The following SNX29 variants were observed in gnomAD, a reference collection of about 807,000 sequenced individuals.
The protein encoded by SNX29 is sorting nexin 29.
Under a neutral mutation model 102.1 loss-of-function variants are expected in SNX29, and 78 were observed. The observed-to-expected ratio is 0.76, with a 90% CI of 0.64 to 0.92. The LOEUF (loss-of-function observed/expected upper bound fraction) is 0.92. Ranked by LOEUF, SNX29 falls within the 40% of genes least tolerant of loss-of-function variation. The pLI, the probability that SNX29 is intolerant of heterozygous loss-of-function variation, is 0.00. For missense variants in SNX29, 1,280 were observed against 1,061.7 expected (o/e 1.21, Z -2.86); for synonymous variants, 580 against 414.5 (o/e 1.40, Z -4.85).
At chr16:12,020,751 G>C (rs2056995080) in intron 3 of SNX29, among the ~76,000 whole-genome samples, 1 of 151,822 alleles carries the variant, frequency 6.6e-6, no homozygotes, top group Non-Finnish European at 1.5e-5. Context: ...AGCCACCTGA[G>C]TAGCTGGGAT....
At chr16:12,453,529 C>G (rs1056056098) in intron 18 of SNX29, among the ~76,000 whole-genome samples, 5 of 152,030 alleles carry the variant, frequency 3.3e-5, no homozygotes, top group East Asian at 3.9e-4. Flanking sequence ...TGGAGTCCAG[C>G]TGGAGTAAGG....
chr16:12,544,316 C>G (rs921293269), intron 20 of SNX29, among the ~76,000 whole-genome samples: 2 of 152,080 alleles, frequency 1.3e-5, no homozygotes, highest in Non-Finnish European at 2.9e-5. Flanking sequence ...AAGGTGGACC[C>G]CAAAGTCATG....
chr16:12,246,104 C>T (rs1045519638), intron 14 of SNX29, among the ~76,000 whole-genome samples: 1 of 152,166 alleles, frequency 6.6e-6, no homozygotes, highest in Non-Finnish European at 1.5e-5. Context: ...CCACATAAAG[C>T]ACAGGTGATG....
intron 13 of SNX29, among the ~76,000 whole-genome samples, chr16:12,186,212 C>T (rs1305503728): frequency 1.3e-5 from 2 of 152,076 alleles, no homozygotes; most frequent in African/African-American, 2.4e-5. Flanking sequence ...TTTTCAGTTT[C>T]TAAAGGAACT....
At chr16:12,215,799 G>A (rs117060635) in intron 14 of SNX29, among the ~76,000 whole-genome samples, 300 of 152,242 alleles carry the variant, frequency 2.0e-3, no homozygotes, top group Admixed American at 3.3e-3. Context: ...AAAACACCCC[G>A]TTTCCTGCCT....
At chr16:12,153,502 C>T (rs1336707812) in intron 13 of SNX29, among the ~76,000 whole-genome samples, 2 of 151,742 alleles carry the variant, frequency 1.3e-5, no homozygotes, top group Non-Finnish European at 2.9e-5. Context: ...AACCAAACCT[C>T]TGGCTCTGTT....
At chr16:12,522,210 T>TG (rs767379919) in intron 19 of SNX29, among the ~76,000 whole-genome samples, 8 of 152,252 alleles carry the variant, frequency 5.3e-5, no homozygotes, top group Non-Finnish European at 1.0e-4. Context: ...AAATACTGCA[T>TG]GGAAAGGTTT....
At chr16:12,035,930 G>A (rs1007192553) in intron 4 of SNX29, among the ~76,000 whole-genome samples, 4 of 152,162 alleles carry the variant, frequency 2.6e-5, no homozygotes, top group African/African-American at 4.8e-5. Flanking sequence ...TAAATGAGAT[G>A]TCCAGAGTTA....
rs144448800 is a variant in SNX29, at chr16:12,223,304, T to C, written c.1678+23621T>C. ...ACTTTGGGAGGCCGAGGCTGGAGGA[T>C]TACCTGAGGCCAGGAGTTTGAGACC... On this transcript the variant is annotated intron_variant, in intron 14 of 20. Coordinates refer to ENST00000566228, the MANE Select transcript of SNX29 (RefSeq NM_032167.5). Among the ~76,000 whole-genome samples the C allele has an allele frequency of 2.9e-3, 444 of 152,248 alleles. 1 individual carries two copies. The highest frequency in any genetic ancestry group is 5.2e-3 in the Non-Finnish European group (352 of 68,014).
chr16:12,216,092 G>A (rs2142074324), intron 14 of SNX29, among the ~76,000 whole-genome samples: 1 of 152,260 alleles, frequency 6.6e-6, no homozygotes, highest in Non-Finnish European at 1.5e-5. Context: ...CAACAATAAA[G>A]TTGTTGAAAA....
At chr16:12,529,761 A>C (rs772693159) in intron 20 of SNX29, among the ~76,000 whole-genome samples, 4 of 152,030 alleles carry the variant, frequency 2.6e-5, no homozygotes, top group Admixed American at 1.3e-4. Context: ...TTGTTCTCCC[A>C]GTGAGCAGGT....
intron 14 of SNX29, among the ~76,000 whole-genome samples, chr16:12,224,152 T>C (rs1381656835): frequency 6.6e-6 from 1 of 152,192 alleles, no homozygotes; most frequent in East Asian, 1.9e-4. Context: ...AAAATACTAC[T>C]CTACTTGAGT....
At chr16:12,428,836 T>C (rs1031620945) in intron 18 of SNX29, among the ~76,000 whole-genome samples, 2 of 152,236 alleles carry the variant, frequency 1.3e-5, no homozygotes, top group African/African-American at 2.4e-5. Context: ...ACACATAATA[T>C]ATGAGTGCAA....
At position 11,999,350 on chromosome 16, in the gene SNX29, G is replaced by A; in HGVS notation, c.61G>A (p.Val21Met). 10 of 1,614,100 alleles carry A rather than the reference G, an allele frequency of 6.2e-6. No homozygotes were observed. Among genetic ancestry groups the A allele is most frequent in the Non-Finnish European group, 8.5e-6 (10 of 1,179,966 alleles). The change falls in exon 2 of 21, where the codon GTG becomes ATG. Residue 21 changes from valine to methionine, a missense_variant. Coordinates refer to ENST00000566228, the MANE Select transcript of SNX29 (RefSeq NM_032167.5). The stretch of plus-strand genomic sequence containing the variant: ...TCTGCTGGAGCGACTGCTGGATGCA[G>A]TGAAACAGGTAAGCAGAAAGCACAC... ...QFLLERLLDA[V>M]KQCQIRFGGR...
At chr16:12,172,002 G>A (rs1215399361) in intron 13 of SNX29, among the ~76,000 whole-genome samples, 1 of 152,114 alleles carries the variant, frequency 6.6e-6, no homozygotes, top group South Asian at 2.1e-4. Context: ...AGACATCCCC[G>A]CTGCTGCTTA....
intron 20 of SNX29, among the ~76,000 whole-genome samples, chr16:12,542,751 A>G (rs1330130833): frequency 6.8e-6 from 1 of 148,096 alleles, no homozygotes; most frequent in Admixed American, 6.7e-5. Flanking sequence ...GCACTAGACT[A>G]TCACTGCCTT....
chr16:12,432,617 G>T, intron 18 of SNX29, among the ~76,000 whole-genome samples: 1 of 152,360 alleles, frequency 6.6e-6, no homozygotes, highest in South Asian at 2.1e-4. Context: ...CACGTGCCGC[G>T]CGTCACCTCC....
intron 14 of SNX29, among the ~76,000 whole-genome samples, chr16:12,246,601 C>T (rs766977935): frequency 6.6e-6 from 1 of 152,160 alleles, no homozygotes; most frequent in Non-Finnish European, 1.5e-5. Flanking sequence ...GATCGTGCCA[C>T]TGGGTGACAG....
At chr16:12,534,251 G>C (rs1213201850) in intron 20 of SNX29, among the ~76,000 whole-genome samples, 1 of 152,234 alleles carries the variant, frequency 6.6e-6, no homozygotes, top group African/African-American at 2.4e-5. Context: ...TGTCTGCTCA[G>C]TGCCCAAGCA....
Sources: allele counts gnomAD v4.1 joint callset (sites outside exome capture counted in the v4.1 genomes callset), GRCh38; gene constraint gnomAD v4.1.1; transcripts MANE v1.5; gene names NCBI Gene and HGNC (gene_info 2026-07-23, HGNC 2026-07-21).